Variants in TUT4 observed in about 807,000 individuals in gnomAD.
The protein encoded by TUT4 is terminal uridylyl transferase 4, also known as terminal uridylyltransferase 4.
Under a neutral mutation model 192.2 loss-of-function variants are expected in TUT4, and 36 were observed. The ratio of observed to expected loss-of-function variants is 0.19; its 90% CI spans 0.14 to 0.25. The LOEUF (loss-of-function observed/expected upper bound fraction) is 0.25. Ranked by LOEUF, TUT4 falls within the 10% of genes least tolerant of loss-of-function variation. The pLI is 1.00. For missense variants in TUT4, 1,493 were observed against 1,957.2 expected (o/e 0.76, Z 4.47); for synonymous variants, 618 against 666.0 (o/e 0.93, Z 1.11).
intron 1 of TUT4, among the ~76,000 whole-genome samples, chr1:52,540,114 G>A (rs964886027): frequency 6.6e-6 from 1 of 151,718 alleles, no homozygotes; most frequent in African/African-American, 2.4e-5. Context: ...AGCTACTCGG[G>A]AGGCTGAGGC....
chr1:52,431,671 C>T lies in TUT4; in HGVS notation c.4264-211G>A, dbSNP rs1652114153. On this transcript the variant is annotated intron_variant, in intron 27 of 29. Transcript: ENST00000257177. The stretch of plus-strand genomic sequence containing the variant: ...TTTATTGTCCAAAGAAACGAGAGCC[C>T]AGACATGGTTCCCATCGTGCAGAAC... 1.4e-5 allele frequency: 5 copies of T among 363,900 alleles called. No homozygotes were observed. In the East Asian group the frequency reaches 1.9e-4, roughly 14 times the overall value. 22.5% of individuals were successfully genotyped at this position (363,900 alleles called of 1,614,324 possible).
At chr1:52,437,262 A>T in intron 25 of TUT4, 1 of 280,462 alleles carries the variant, frequency 3.6e-6, no homozygotes. Flanking sequence ...TTAAAAAGAA[A>T]TTGAGGCTTA....
At chr1:52,527,194 T>C (rs182459360) in intron 1 of TUT4, among the ~76,000 whole-genome samples, 23 of 152,272 alleles carry the variant, frequency 1.5e-4, no homozygotes, top group East Asian at 3.9e-4. Flanking sequence ...GGGAAAACAA[T>C]AGACTTTCTC....
chr1:52,513,393 C>CAAAAAAAAAAAAAAAAA lies in TUT4; in HGVS notation c.882+2481_882+2497dup, dbSNP rs554170439. Among the ~76,000 whole-genome samples the CAAAAAAAAAAAAAAAAA allele has an allele frequency of 8.3e-4, 35 of 42,094 alleles. 2 individuals carry two copies. Among genetic ancestry groups the CAAAAAAAAAAAAAAAAA allele is most frequent in the African/African-American group, 4.2e-3 (24 of 5,756 alleles). 27.6% of individuals were successfully genotyped at this position (42,094 alleles called of 152,430 possible). The stretch of plus-strand genomic sequence containing the variant: ...GGGCAACCAGAATGAGACCCTGTCT[C>CAAAAAAAAAAAAAAAAA]AAAAAAAAAAAAAAAAAAAAAGTAC... On this transcript the variant is annotated intron_variant, in intron 3 of 29. Transcript: ENST00000257177.
At position 52,525,774 on chromosome 1, in the gene TUT4, T is replaced by C; in HGVS notation, c.507A>G (p.Lys169=). Residue 169 remains lysine, a synonymous_variant, in exon 2 of 30, where the codon AAA becomes AAG. Coordinates refer to ENST00000257177, the MANE Select transcript of TUT4 (RefSeq NM_001009881.3). ...EAEKGPSLLL[K]DMRQKTELQQ... is the part of the protein sequence containing the mutation. ...GTAATTCTGTCTTCTGTCTCATGTC[T>C]TTCAACAGTAAACTGGGTCCCTTTT... The C allele has an allele frequency of 6.2e-7, 1 of 1,614,212 alleles. No individual in the cohort carries two copies. The highest frequency in any genetic ancestry group is 8.5e-7 in the Non-Finnish European group (1 of 1,180,036).
intron 15 of TUT4, among the ~76,000 whole-genome samples, chr1:52,466,395 A>T (rs911071055): frequency 1.3e-5 from 2 of 151,710 alleles, no homozygotes; most frequent in Non-Finnish European, 2.9e-5. Context: ...GTAATCCTAG[A>T]ATTCTGGGAA....
chr1:52,542,386 C>T (rs1294216244), intron 1 of TUT4, among the ~76,000 whole-genome samples: 2 of 152,164 alleles, frequency 1.3e-5, no homozygotes, highest in Non-Finnish European at 2.9e-5. Context: ...AAATCCACAA[C>T]AGAATACTAG....
chr1:52,526,212 G>A lies in TUT4; in HGVS notation c.69C>T (p.Ser23=). 4 of 1,600,324 alleles carry A rather than the reference G, an allele frequency of 2.5e-6. No individual in the cohort carries two copies. Among genetic ancestry groups the A allele is most frequent in the Non-Finnish European group, 3.4e-6 (4 of 1,177,152 alleles). ...EPKKNVICEE[S]KAVQVIGNQT... is the part of the protein sequence containing the mutation. ...GATTACCTATAACTTGAACTGCTTT[G>A]CTTTCTTCACAAATAACATTCTTCT... Residue 23 remains serine, a synonymous_variant, in exon 2 of 30, where the codon AGC becomes AGT. Transcript: ENST00000257177.
At chr1:52,458,281 G>A in intron 20 of TUT4, 55 bp downstream of exon 20, 2 of 1,348,708 alleles carry the variant, frequency 1.5e-6, no homozygotes, top group Non-Finnish European at 2.1e-6. Flanking sequence ...AATCTCCTGT[G>A]TTTAGATCTA....
At chr1:52,477,529 T>G (rs1667418316) in intron 12 of TUT4, among the ~76,000 whole-genome samples, 179 bp downstream of exon 12, 1 of 152,162 alleles carries the variant, frequency 6.6e-6, no homozygotes, top group Admixed American at 6.5e-5. Context: ...ATCCTATCAC[T>G]GCACTTCTGC....
intron 1 of TUT4, among the ~76,000 whole-genome samples, chr1:52,546,092 C>A (rs900353470): frequency 2.6e-5 from 4 of 151,944 alleles, no homozygotes; most frequent in African/African-American, 9.7e-5. Flanking sequence ...TGAGCCAACA[C>A]CATGCCACTG....
Position 52,465,160 on chromosome 1 carries a change from C to G in TUT4, c.2979G>C (p.Leu993Phe). 1 of 1,613,262 alleles carries G rather than the reference C, an allele frequency of 6.2e-7. No individual in the cohort carries two copies. Among genetic ancestry groups the G allele is most frequent in the Non-Finnish European group, 8.5e-7 (1 of 1,179,698 alleles). The change falls in exon 16 of 30, where the codon TTG becomes TTC. Residue 993 changes from leucine to phenylalanine, a missense_variant. Physicochemically the swap from Leu to Phe is conservative, Grantham distance 22. This residue lies in a region of TUT4 where 59 missense variants were observed against 114.3 expected (regional missense o/e 0.52). Coordinates refer to ENST00000257177, the MANE Select transcript of TUT4 (RefSeq NM_001009881.3). ...CATTCTTAGAAGAGCCAAATAAGCA[C>G]AACCTTGCCTTTTCTAAGCAAAGGA... ...IQKEYDEKARLCLFGSSKNGF... is the reference protein window; with the variant it reads ...IQKEYDEKARFCLFGSSKNGF...
Position 52,431,380 on chromosome 1 carries a change from T to C in TUT4, c.4344A>G (p.Ser1448=). ...GCTTAGGTTGGGATCCTGGCTGAGATGAAGGCTGAGTAATAGCAGCTGACT... is the reference window on the plus strand; with the variant it reads ...GCTTAGGTTGGGATCCTGGCTGAGACGAAGGCTGAGTAATAGCAGCTGACT... ...SSQSAAITQP[S]SQPGSQPKLG... The change falls in exon 28 of 30, where the codon TCA becomes TCG. Residue 1448 remains serine (S), a synonymous_variant. Transcript: ENST00000257177. 6.2e-6 allele frequency: 10 copies of C among 1,614,044 alleles called. No individual in the cohort carries two copies. The highest frequency in any genetic ancestry group is 8.5e-6 in the Non-Finnish European group (10 of 1,180,006).
intron 6 of TUT4, 39 bp downstream of exon 6, chr1:52,495,388 C>T: frequency 1.6e-6 from 2 of 1,260,462 alleles, no homozygotes; most frequent in African/African-American, 3.0e-5. Flanking sequence ...TTACTAAGTA[C>T]TAGTTAAGAA....
intron 2 of TUT4, among the ~76,000 whole-genome samples, chr1:52,520,200 G>A (rs1679869522): frequency 6.6e-6 from 1 of 152,204 alleles, no homozygotes; most frequent in African/African-American, 2.4e-5. Flanking sequence ...GTAAACAAAT[G>A]AGGGCAAGGC....
chr1:52,538,938 T>C (rs568788867), intron 1 of TUT4, among the ~76,000 whole-genome samples: 214 of 152,206 alleles, frequency 1.4e-3, no homozygotes, highest in Middle Eastern at 0.014. Flanking sequence ...AAGACAATTC[T>C]CCCACCTCAG....
intron 7 of TUT4, among the ~76,000 whole-genome samples, chr1:52,491,201 CAGTTT>C (rs1671059933): frequency 6.6e-6 from 1 of 152,176 alleles, no homozygotes; most frequent in African/African-American, 2.4e-5. Context: ...CATGCTTTGA[CAGTTT>C]AGTTCTTTTA....
chr1:52,469,176 T>C (rs1339209140), intron 14 of TUT4, among the ~76,000 whole-genome samples: 1 of 152,154 alleles, frequency 6.6e-6, no homozygotes, highest in African/African-American at 2.4e-5. Flanking sequence ...TGAGCCTTAA[T>C]GTATGCAATT....
chr1:52,477,551 G>A (rs1178925586), intron 12 of TUT4, among the ~76,000 whole-genome samples, 157 bp downstream of exon 12: 1 of 151,854 alleles, frequency 6.6e-6, no homozygotes, highest in Non-Finnish European at 1.5e-5. Flanking sequence ...TGGGCAACAG[G>A]GCAAGACCCT....
Sources: gnomAD v4.1 joint callset for allele counts (sites outside exome capture counted in the v4.1 genomes callset) on GRCh38, gnomAD v4.1.1 for gene constraint, gnomAD v4.1.1 regional missense constraint, MANE v1.5 for transcripts, NCBI Gene and HGNC (gene_info 2026-07-23, HGNC 2026-07-21) for gene names.